ZNF469: variants seen among roughly 807,000 people sequenced by gnomAD.
ZNF469 encodes the protein zinc finger protein 469.
In ZNF469, 1 loss-of-function variant was observed where a neutral mutation model predicts 1.0. That is an observed-to-expected ratio of 1.00 (90% CI 0.35 to 4.73). ZNF469 has a LOEUF of 4.73. ZNF469 is among the 30% of genes most tolerant of loss of function. ZNF469 has a pLI of 0.16. For synonymous variants in ZNF469, 2,703 were observed against 2,363.4 expected (o/e 1.14, Z -4.17); for missense variants, 6,100 against 5,356.3 (o/e 1.14, Z -4.33).
At chr16:88,360,649 C>T in the ZNF469 span, among the ~76,000 whole-genome samples, 2 of 121,824 alleles carry the variant, frequency 1.6e-5, no homozygotes, top group African/African-American at 3.5e-5. Context: ...AGACAGCGCC[C>T]GCGTGCTCCC....
chr16:88,432,126 T>A lies in ZNF469; in HGVS notation c.4656T>A (p.Ala1552=). 2.6e-6 allele frequency: 4 copies of A among 1,550,364 alleles called. No homozygotes were observed. The highest frequency in any genetic ancestry group is 3.5e-6 in the Non-Finnish European group (4 of 1,146,972). ...GGAAGGGGAGTGGATGTAGCGTTGC[T>A]CTTATGAGTCACCTGTCCGAGGATG... The part of the protein sequence containing the change: ...LPGKGSGCSV[A]LMSHLSEDEL... The change falls in exon 3 of 3, where the codon GCT becomes GCA. Residue 1552 remains alanine, a synonymous_variant. Coordinates refer to ENST00000565624, the MANE Select transcript of ZNF469 (RefSeq NM_001367624.2).
In ZNF469 at chr16:88,432,480, C is replaced by T. The variant is rs766852564; in HGVS notation, c.5010C>T (p.Ala1670=). The T allele has an allele frequency of 3.3e-5, 51 of 1,550,386 alleles. 2 individuals carry two copies. The South Asian group carries it at 5.9e-4, about 18-fold the overall frequency. The change falls in exon 3 of 3, where the codon GCC becomes GCT. Residue 1670 remains alanine, a synonymous_variant. Coordinates refer to ENST00000565624, the MANE Select transcript of ZNF469 (RefSeq NM_001367624.2). ...CPASFHPGHA[A]LLPCAQEDLV... is the part of the protein sequence containing the mutation. ...CCTCCTTCCATCCGGGACATGCAGC[C>T]CTTCTCCCCTGTGCCCAGGAAGACC...
At chr16:88,369,895 C>T in the ZNF469 span, among the ~76,000 whole-genome samples, 5 of 152,336 alleles carry the variant, frequency 3.3e-5, no homozygotes, top group South Asian at 4.1e-4. Context: ...CCACAGTGTC[C>T]GCTCCTTCCC....
At chr16:88,266,733 G>T in the ZNF469 span, among the ~76,000 whole-genome samples, 1 of 152,222 alleles carries the variant, frequency 6.6e-6, no homozygotes, top group Non-Finnish European at 1.5e-5. Flanking sequence ...TCCTTCTGGA[G>T]TTGGAGCAAG....
chr16:88,316,947 C>G, the ZNF469 span, among the ~76,000 whole-genome samples: 4 of 152,310 alleles, frequency 2.6e-5, no homozygotes, highest in South Asian at 6.2e-4. Flanking sequence ...CTCCAGATCC[C>G]ACGCGCTCTC....
the ZNF469 span, among the ~76,000 whole-genome samples, chr16:88,232,836 G>A: frequency 2.6e-5 from 4 of 152,228 alleles, no homozygotes; most frequent in African/African-American, 9.6e-5. Context: ...TTTGACATTC[G>A]GAGCTGCTCC....
chr16:88,362,748 T>G, the ZNF469 span, among the ~76,000 whole-genome samples: 1 of 152,314 alleles, frequency 6.6e-6, no homozygotes, highest in South Asian at 2.1e-4. Context: ...AGCTATAAAT[T>G]TATCTTTCAC....
At chr16:88,188,084 G>A in the ZNF469 span, among the ~76,000 whole-genome samples, 11 of 152,018 alleles carry the variant, frequency 7.2e-5, no homozygotes, top group African/African-American at 1.5e-4. Flanking sequence ...GCTGATTCAC[G>A]CAGTTTCCAA....
chr16:88,255,142 G>A, the ZNF469 span, among the ~76,000 whole-genome samples: 1 of 152,196 alleles, frequency 6.6e-6, no homozygotes, highest in Non-Finnish European at 1.5e-5. Context: ...TGGACAATGA[G>A]CCCAAGTAAT....
chr16:88,116,233 C>T, the ZNF469 span, among the ~76,000 whole-genome samples: 2 of 152,190 alleles, frequency 1.3e-5, no homozygotes, highest in African/African-American at 2.4e-5. Context: ...TGCTCCTTGC[C>T]AGCAGCTGTC....
chr16:88,382,921 G>C (rs920015185), upstream of ZNF469, among the ~76,000 whole-genome samples: 2 of 151,320 alleles, frequency 1.3e-5, no homozygotes, highest in African/African-American at 4.8e-5. Flanking sequence ...CGGGGGCGGC[G>C]GAGTCTGTAA....
At chr16:88,185,426 A>G in the ZNF469 span, among the ~76,000 whole-genome samples, 2 of 152,174 alleles carry the variant, frequency 1.3e-5, no homozygotes, top group East Asian at 1.9e-4. Flanking sequence ...CATGAATACA[A>G]TAGAAACACA....
chr16:88,310,965 C>T, the ZNF469 span, among the ~76,000 whole-genome samples: 152 of 152,304 alleles, frequency 1.0e-3, 2 homozygotes, highest in African/African-American at 3.3e-3. Flanking sequence ...CCTCATTCAC[C>T]GTGCACCCTC....
Position 88,438,545 on chromosome 16 carries a change from C to T in ZNF469, c.11075C>T (p.Ala3692Val). ...DRSAASTPSK[A>V]LKFPVHPRKA... ...TCGGCAGCATCCACCCCCAGCAAAG[C>T]ACTCAAGTTCCCAGTGCACCCAAGG... The change falls in exon 3 of 3, where the codon GCA (alanine) becomes GTA (valine). Residue 3692 changes from alanine (A) to valine (V), a missense_variant. Physicochemically the swap from Ala to Val is moderately conservative, Grantham distance 64 (BLOSUM62 0). Transcript: ENST00000565624. 1 of 1,550,176 alleles carries T rather than the reference C, an allele frequency of 6.5e-7. No individual in the cohort carries two copies. The highest frequency in any genetic ancestry group is 2.4e-5 in the East Asian group (1 of 40,920).
At chr16:88,301,938 C>T in the ZNF469 span, among the ~76,000 whole-genome samples, 1 of 152,162 alleles carries the variant, frequency 6.6e-6, no homozygotes, top group Non-Finnish European at 1.5e-5. Flanking sequence ...CAACTGCAGG[C>T]CCTCCTCCCC....
At position 88,430,283 on chromosome 16, in the gene ZNF469, C is replaced by T. The variant is rs1906050812; in HGVS notation, c.2813C>T (p.Ala938Val). 1.3e-6 allele frequency: 2 copies of T among 1,514,026 alleles called. No homozygotes were observed. Among genetic ancestry groups the T allele is most frequent in the South Asian group, 1.2e-5 (1 of 80,400 alleles). 93.8% of individuals were successfully genotyped at this position (1,514,026 alleles called of 1,614,324 possible). ...GGTCTGGCCCCCACCGAGGCGGATG[C>T]GCCCAGCCAGGGCAGGCAGCAGAGG... ...SLGLAPTEAD[A>V]PSQGRQQRRG... The change falls in exon 3 of 3, where the codon GCG (alanine) becomes GTG (valine). Residue 938 changes from alanine (A) to valine (V), a missense_variant. Transcript: ENST00000565624.
At chr16:88,380,524 C>T (rs1186595877), upstream of ZNF469, among the ~76,000 whole-genome samples, 2 of 112,486 alleles carry the variant, frequency 1.8e-5, no homozygotes, top group Non-Finnish European at 3.7e-5. Context: ...CACACACACG[C>T]ACTAACACAC....
the ZNF469 span, among the ~76,000 whole-genome samples, chr16:88,363,704 A>G: frequency 1.3e-5 from 2 of 152,238 alleles, no homozygotes; most frequent in African/African-American, 4.8e-5. Flanking sequence ...CGTGGCAGAC[A>G]TTAGAGTCAT....
chr16:88,164,821 T>C, the ZNF469 span, among the ~76,000 whole-genome samples: 2 of 152,168 alleles, frequency 1.3e-5, no homozygotes, highest in African/African-American at 4.8e-5. Flanking sequence ...CAGTATCCCC[T>C]GTGACTGAAT....
Sources: gnomAD v4.1 joint callset for allele counts (sites outside exome capture counted in the v4.1 genomes callset) on GRCh38, gnomAD v4.1.1 for gene constraint, MANE v1.5 for transcripts, NCBI Gene and HGNC (gene_info 2026-07-23, HGNC 2026-07-21) for gene names.